Variants in HERC2 observed in about 807,000 individuals in gnomAD.
HERC2 encodes the protein E3 ubiquitin-protein ligase HERC2.
In HERC2, 102 loss-of-function variants were observed where a neutral mutation model predicts 537.7. The observed-to-expected ratio is 0.19, with a 90% CI of 0.16 to 0.22. The LOEUF (loss-of-function observed/expected upper bound fraction) is 0.22. HERC2 is among the 10% of genes least tolerant of loss of function. The pLI, the probability that HERC2 is intolerant of heterozygous loss-of-function variation, is 1.00. For synonymous variants in HERC2, 2,224 were observed against 2,466.2 expected, an observed-to-expected ratio of 0.90 and a Z score of 2.91; for missense variants, 4,236 against 6,198.2, an observed-to-expected ratio of 0.68 and a Z score of 10.63.
intron 55 of HERC2, 23 bp downstream of exon 55, chr15:28,190,942 G>A: frequency 2.0e-6 from 3 of 1,498,300 alleles, no homozygotes; most frequent in Non-Finnish European, 2.8e-6. Context: ...TCATCCAAAT[G>A]GAACACTAGC....
At chr15:28,160,282 C>T (rs1893450470) in intron 69 of HERC2, among the ~76,000 whole-genome samples, 1 of 152,224 alleles carries the variant, frequency 6.6e-6, no homozygotes, top group African/African-American at 2.4e-5. Context: ...ACATTTAAGT[C>T]TGCAGAGGTT....
rs1903680921 is a variant in HERC2, at chr15:28,246,054, G to A, written c.3404C>T (p.Pro1135Leu). The A allele has an allele frequency of 6.3e-7, 1 of 1,598,746 alleles. No homozygotes were observed. The highest frequency in any genetic ancestry group is 8.5e-7 in the Non-Finnish European group (1 of 1,170,660). The change falls in exon 23 of 93, where the codon CCA becomes CTA. Residue 1135 changes from proline to leucine, a missense_variant. By Grantham distance (98) the Pro-to-Leu change is moderately conservative. Transcript: ENST00000261609. ...VEGDFTGVLL[P>L]ELVVSIVLLL... ...AAGCACTATAGAAACTACTAGTTCT[G>A]GAAGGAGAACACCTACATTTAAGAA...
Position 28,270,847 on chromosome 15 carries a change from G to A in HERC2, c.1105C>T (p.Pro369Ser). ...DMHLLSGPLS[P>S]NESFLRYLTL... ...AGGTACCTCAGGAAACTCTCATTGG[G>A]GCTCAGAGGGCCAGACAAAAGCTAG... Residue 369 changes from proline to serine, a missense_variant, in exon 10 of 93, where the codon CCC becomes TCC. By Grantham distance (74) the Pro-to-Ser change is moderately conservative. This residue lies in a region of HERC2 where 491 missense variants were observed against 559.3 expected (regional missense o/e 0.88). Transcript: ENST00000261609. 6.2e-7 allele frequency: 1 copy of A among 1,613,764 alleles called. No individual in the cohort carries two copies. Among genetic ancestry groups the A allele is most frequent in the Non-Finnish European group, 8.5e-7 (1 of 1,179,840 alleles).
In HERC2 at chr15:28,262,943, A is replaced by G. The variant is rs1279690048; in HGVS notation, c.2097T>C (p.Tyr699=). Residue 699 remains tyrosine, a synonymous_variant, in exon 15 of 93, where the codon TAT becomes TAC. Coordinates refer to ENST00000261609, the MANE Select transcript of HERC2 (RefSeq NM_004667.6). The part of the protein sequence containing the change: ...LGHGTEEHVR[Y]PKLLEGLQGK... ...CTTGCAAGCCTTCTAAGAGTTTTGG[A>G]TAACGAACATGTTCCTCTGTTCCAT... is the stretch of plus-strand genomic sequence containing the variant. The G allele has an allele frequency of 1.2e-6, 2 of 1,614,052 alleles. No homozygotes were observed. Among genetic ancestry groups the G allele is most frequent in the Admixed American group, 3.3e-5 (2 of 60,010 alleles).
At position 28,114,738 on chromosome 15, in the gene HERC2, A is replaced by G. The variant is rs757338902; in HGVS notation, c.13787T>C (p.Phe4596Ser). The G allele has an allele frequency of 1.2e-6, 2 of 1,614,064 alleles. No homozygotes were observed. The highest frequency in any genetic ancestry group is 1.1e-5 in the South Asian group (1 of 91,074). The change falls in exon 90 of 93, where the codon TTT (phenylalanine) becomes TCT (serine). Residue 4596 changes from phenylalanine to serine, a missense_variant. By Grantham distance (155) the Phe-to-Ser change is radical. This residue lies in a region of HERC2 where 313 missense variants were observed against 462.6 expected (regional missense o/e 0.68). Transcript: ENST00000261609. ...IRDNEATSEE[F>S]EAMSLPFTVP... ...TGTGAAGGGCAGGCTCATGGCTTCA[A>G]ACTCCTCTGAGGTGGCTTCATTGTC... is the stretch of plus-strand genomic sequence containing the variant.
chr15:28,190,133 C>G (rs1327938542), intron 55 of HERC2: 2 of 150,740 alleles, frequency 1.3e-5, no homozygotes, highest in African/African-American at 4.9e-5. Context: ...CTCAGCCTCC[C>G]AAGTAGCTGG....
At chr15:28,163,440 G>A (rs1481027034) in intron 68 of HERC2, among the ~76,000 whole-genome samples, 155 bp from the exon 69 acceptor site, 1 of 152,066 alleles carries the variant, frequency 6.6e-6, no homozygotes, top group Non-Finnish European at 1.5e-5. Flanking sequence ...AAGAAACGAC[G>A]GCCCCTAAAA....
At position 28,152,798 on chromosome 15, in the gene HERC2, G is replaced by T; in HGVS notation, c.10779C>A (p.Thr3593=). 6.4e-7 allele frequency: 1 copy of T among 1,558,404 alleles called. No homozygotes were observed. The highest frequency in any genetic ancestry group is 8.7e-7 in the Non-Finnish European group (1 of 1,150,574). Residue 3593 remains threonine, a synonymous_variant, in exon 70 of 93, where the codon ACC becomes ACA. Coordinates refer to ENST00000261609, the MANE Select transcript of HERC2 (RefSeq NM_004667.6). ...AGTCTGTGGCCACATCCTCCAACTC[G>T]GTGACACAGAGCTCCAACAGCATAT... ...VADMLLELCV[T]ELEDVATDSQ...
intron 40 of HERC2, 43 bp downstream of exon 40, chr15:28,214,612 G>A (rs776190031): frequency 2.6e-5 from 41 of 1,593,714 alleles, no homozygotes; most frequent in South Asian, 1.3e-4. Flanking sequence ...ACGGCACTGC[G>A]CCGCTCTTCA....
At chr15:28,212,632 A>G (rs372358029) in intron 42 of HERC2, 49 bp from the exon 43 acceptor site, 30 of 1,599,508 alleles carry the variant, frequency 1.9e-5, no homozygotes, top group Non-Finnish European at 2.3e-5. Context: ...CGACTAACAA[A>G]TGAAACGTTC....
At chr15:28,175,698 G>T (rs1402907597) in intron 63 of HERC2, 42 bp from the exon 64 acceptor site, 1 of 1,603,902 alleles carries the variant, frequency 6.2e-7, no homozygotes. Context: ...TACGGTTATG[G>T]TCTGACAATG....
chr15:28,111,589 G>A lies in HERC2; in HGVS notation c.*174C>T, dbSNP rs889652149. 6.7e-5 allele frequency: 44 copies of A among 654,094 alleles called. No homozygotes were observed. The highest frequency in any genetic ancestry group is 3.8e-4 in the African/African-American group (21 of 54,952). 40.5% of individuals were successfully genotyped at this position (654,094 alleles called of 1,614,324 possible). ...TCCACAGTGTTCCACGCGCACAGGC[G>A]GACCTTCTCACTGTCATTCCCATCA... is the stretch of plus-strand genomic sequence containing the variant. On this transcript the variant is annotated 3_prime_UTR_variant, in exon 93 of 93. Transcript: ENST00000261609.
intron 2 of HERC2, among the ~76,000 whole-genome samples, chr15:28,318,099 T>C (rs1431180001): frequency 6.6e-6 from 1 of 152,188 alleles, no homozygotes; most frequent in Non-Finnish European, 1.5e-5. Flanking sequence ...CGAACAGGCA[T>C]GTGTTTTAAG....
chr15:28,237,585 T>C (rs1902598144), intron 25 of HERC2, among the ~76,000 whole-genome samples: 1 of 152,256 alleles, frequency 6.6e-6, no homozygotes, highest in African/African-American at 2.4e-5. Context: ...AGAGTTCATC[T>C]TTTCCAGTCA....
intron 86 of HERC2, chr15:28,118,073 CAAG>C (rs1316825041): frequency 5.9e-5 from 10 of 169,154 alleles, no homozygotes; most frequent in African/African-American, 1.9e-4. Flanking sequence ...ACTAAAAATA[CAAG>C]AAGAATGACA....
chr15:28,261,833 A>G (rs761660304), intron 15 of HERC2, among the ~76,000 whole-genome samples: 18 of 152,212 alleles, frequency 1.2e-4, no homozygotes, highest in Non-Finnish European at 2.4e-4. Flanking sequence ...TTAAAATAAA[A>G]CTAATGGAGA....
chr15:28,113,157 G>A lies in HERC2; in HGVS notation c.14146C>T (p.Arg4716Cys), dbSNP rs1887835129. 2.5e-6 allele frequency: 4 copies of A among 1,613,952 alleles called. No individual in the cohort carries two copies. The highest frequency in any genetic ancestry group is 2.5e-6 in the Non-Finnish European group (3 of 1,180,040). ...EVMESFSNTE[R>C]SLFLRFVWGR... ...CAGACGAAGCGAAGGAAAAGAGAGC[G>A]CTCTGTGTTGGAGAAGGACTCCATC... Residue 4716 changes from arginine (R) to cysteine (C), a missense_variant, in exon 92 of 93, where the codon CGC (arginine) becomes TGC (cysteine). Arg to Cys is a radical substitution (Grantham distance 180, BLOSUM62 -3). Around this residue, in one of 27 missense-constraint regions of HERC2, gnomAD observed 313 missense variants for 462.6 expected, o/e 0.68. Coordinates refer to ENST00000261609, the MANE Select transcript of HERC2 (RefSeq NM_004667.6). This position sits in a 1 kb window ranked among gnomAD's most constrained non-coding sequence, Gnocchi z 7.0.
At position 28,111,907 on chromosome 15, in the gene HERC2, G is replaced by T. The variant is rs775998969; in HGVS notation, c.14361C>A (p.Phe4787Leu). 3.7e-6 allele frequency: 6 copies of T among 1,614,222 alleles called. No homozygotes were observed. The highest frequency in any genetic ancestry group is 5.1e-6 in the Non-Finnish European group (6 of 1,180,050). ...LEEKLKYAIH[F>L]CKSIDTDDYA... ...AGTCATCTGTGTCTATGGACTTGCA[G>T]AAGTGGATGGCGTACTTGAGCTTCT... is the stretch of plus-strand genomic sequence containing the variant. Residue 4787 changes from phenylalanine (F) to leucine (L), a missense_variant, in exon 93 of 93, where the codon TTC becomes TTA. Phe to Leu is a conservative substitution (Grantham distance 22, BLOSUM62 0). This residue lies in a region of HERC2 where 313 missense variants were observed against 462.6 expected (regional missense o/e 0.68). Coordinates refer to ENST00000261609, the MANE Select transcript of HERC2 (RefSeq NM_004667.6).
At chr15:28,276,436 C>T (rs2075876757) in intron 5 of HERC2, among the ~76,000 whole-genome samples, 1 of 152,060 alleles carries the variant, frequency 6.6e-6, no homozygotes, top group Admixed American at 6.6e-5. Context: ...CATGACAAGA[C>T]ACAGACATGT....
Sources: gnomAD v4.1 joint callset for allele counts (sites outside exome capture counted in the v4.1 genomes callset) on GRCh38, gnomAD v4.1.1 for gene constraint, gnomAD v4.1.1 regional missense constraint, Gnocchi (gnomAD v3.1) non-coding constraint, MANE v1.5 for transcripts, NCBI Gene and HGNC (gene_info 2026-07-23, HGNC 2026-07-21) for gene names.